The following WBP1L variants were observed in gnomAD, a reference collection of about 807,000 sequenced individuals.
The protein encoded by WBP1L is WW domain binding protein 1 like.
A neutral mutation model predicts 33.7 loss-of-function variants in WBP1L; 17 were observed. That is an observed-to-expected ratio of 0.50 (90% CI 0.34 to 0.76). The LOEUF (loss-of-function observed/expected upper bound fraction) is 0.76. WBP1L is among the 30% of genes least tolerant of loss of function. The probability of loss-of-function intolerance (pLI) is 0.01; values close to 1 mark genes in which losing one functional copy is unlikely to be tolerated. For missense variants in WBP1L, 389 were observed against 469.4 expected (o/e 0.83, Z 1.58); for synonymous variants, 173 against 190.8 (o/e 0.91, Z 0.77).
At chr10:102,756,409 CAG>C (rs1276847907) in intron 1 of WBP1L, among the ~76,000 whole-genome samples, 3 of 151,700 alleles carry the variant, frequency 2.0e-5, no homozygotes, top group Non-Finnish European at 2.9e-5. Context: ...GACTCTGTCT[CAG>C]GGGGGTGGTG....
At chr10:102,752,435 G>A (rs1842933257) in intron 1 of WBP1L, among the ~76,000 whole-genome samples, 1 of 152,194 alleles carries the variant, frequency 6.6e-6, no homozygotes, top group Non-Finnish European at 1.5e-5. Flanking sequence ...GTTTGTTGAT[G>A]TATGTGGTCA....
At chr10:102,770,300 C>G (rs528196577) in intron 1 of WBP1L, among the ~76,000 whole-genome samples, 101 of 151,620 alleles carry the variant, frequency 6.7e-4, no homozygotes, top group African/African-American at 2.3e-3. Context: ...GTGCCCAAAC[C>G]GGAGAAAGAT....
chr10:102,801,021 T>C (rs563856312), intron 2 of WBP1L, among the ~76,000 whole-genome samples: 9 of 152,286 alleles, frequency 5.9e-5, no homozygotes, highest in African/African-American at 2.2e-4. Flanking sequence ...CATTTTCCTG[T>C]GTGCTGAGGA....
Position 102,771,462 on chromosome 10 carries a change from G to A in WBP1L, c.91-26531G>A, listed in dbSNP as rs556943787. On this transcript the variant is annotated intron_variant, in intron 1 of 3. Transcript: ENST00000448841. The stretch of plus-strand genomic sequence containing the variant: ...GGCTCATAAGGAGGCGAGGTGAAGC[G>A]TTCGAGACCAGCCTGGGCAACATAG... Among the ~76,000 whole-genome samples the A allele has an allele frequency of 5.3e-5, 8 of 152,060 alleles. No individual in the cohort carries two copies. In the South Asian group the frequency reaches 1.0e-3, roughly 20 times the overall value.
intron 1 of WBP1L, among the ~76,000 whole-genome samples, chr10:102,789,104 T>C (rs950256758): frequency 6.6e-6 from 1 of 152,052 alleles, no homozygotes; most frequent in Non-Finnish European, 1.5e-5. Context: ...GGACTACAGG[T>C]GCGCACAACC....
intron 1 of WBP1L, among the ~76,000 whole-genome samples, chr10:102,782,390 A>G (rs1174052746): frequency 6.6e-6 from 1 of 151,788 alleles, no homozygotes; most frequent in Non-Finnish European, 1.5e-5. Flanking sequence ...TCCTCCAGTG[A>G]TAGCCCATGA....
chr10:102,771,862 C>A (rs867261692), intron 1 of WBP1L, among the ~76,000 whole-genome samples: 1 of 151,866 alleles, frequency 6.6e-6, no homozygotes, highest in South Asian at 2.1e-4. Flanking sequence ...TCCAGCAGTA[C>A]TATCTCTGGG....
chr10:102,776,164 G>A (rs999455669), intron 1 of WBP1L: 1 of 1,421,670 alleles, frequency 7.0e-7, no homozygotes. Flanking sequence ...GATATGTCAC[G>A]AGAAGGTGGG....
chr10:102,789,781 C>T (rs1403168804), intron 1 of WBP1L, among the ~76,000 whole-genome samples: 52 of 143,720 alleles, frequency 3.6e-4, no homozygotes, highest in Non-Finnish European at 5.1e-4. Flanking sequence ...CTCACTCTGT[C>T]ACCCAGGCTG....
intron 1 of WBP1L, among the ~76,000 whole-genome samples, chr10:102,795,623 C>T (rs17115006): frequency 0.026 from 4,033 of 152,240 alleles, 93 homozygotes; most frequent in South Asian, 0.11. Context: ...CCATGTGTTC[C>T]GAGCCTGGGC....
At chr10:102,748,173 G>T (rs983413828) in intron 1 of WBP1L, among the ~76,000 whole-genome samples, 3 of 151,862 alleles carry the variant, frequency 2.0e-5, no homozygotes, top group East Asian at 1.9e-4. Flanking sequence ...GGAGAATGGC[G>T]TGAACCTGGG....
chr10:102,774,632 A>G (rs1176053049), intron 1 of WBP1L, among the ~76,000 whole-genome samples: 1 of 152,090 alleles, frequency 6.6e-6, no homozygotes, highest in Non-Finnish European at 1.5e-5. Flanking sequence ...ATGTGCTCCT[A>G]ATTTATTGTC....
At chr10:102,752,876 GCCC>G (rs1842938394) in intron 1 of WBP1L, among the ~76,000 whole-genome samples, 1 of 152,170 alleles carries the variant, frequency 6.6e-6, no homozygotes, top group Non-Finnish European at 1.5e-5. Context: ...CTCTTTTCAG[GCCC>G]CCAAGAGGCA....
chr10:102,773,423 C>G (rs1430025945), intron 1 of WBP1L, among the ~76,000 whole-genome samples: 1 of 152,096 alleles, frequency 6.6e-6, no homozygotes, highest in Non-Finnish European at 1.5e-5. Flanking sequence ...TAGACGAATG[C>G]TGATTAGAAA....
intron 1 of WBP1L, among the ~76,000 whole-genome samples, chr10:102,775,341 G>C (rs559141814): frequency 9.9e-5 from 15 of 152,276 alleles, no homozygotes; most frequent in Admixed American, 4.6e-4. Flanking sequence ...ACTAGGGAAA[G>C]TCAGAGCAGG....
chr10:102,746,460 C>CTTAT (rs1842865279), intron 1 of WBP1L, among the ~76,000 whole-genome samples: 1 of 152,122 alleles, frequency 6.6e-6, no homozygotes, highest in Non-Finnish European at 1.5e-5. Context: ...CATCCCCCAC[C>CTTAT]TTATACTCCT....
chr10:102,802,861 A>T (rs1279802431), intron 2 of WBP1L, among the ~76,000 whole-genome samples: 2 of 152,270 alleles, frequency 1.3e-5, no homozygotes, highest in East Asian at 1.9e-4. Flanking sequence ...TTTAAAGGAA[A>T]CCCTGCCCAT....
rs1842829067 is a variant in WBP1L, at chr10:102,744,000, A to AGGG, written c.-52_-51insGGG. 2.5e-6 allele frequency: 3 copies of AGGG among 1,223,482 alleles called. No individual in the cohort carries two copies. Among genetic ancestry groups the AGGG allele is most frequent in the Non-Finnish European group, 3.5e-6 (3 of 860,348 alleles). The allele number at this position is 1,223,482 out of a possible 1,614,324, so 75.8% of individuals were successfully genotyped here. A position where few individuals can be genotyped will look rare whatever the true frequency, so the allele number is the denominator to read the frequency against. On this transcript the variant is annotated 5_prime_UTR_variant, in exon 1 of 4. Transcript: ENST00000448841. The stretch of plus-strand genomic sequence containing the variant: ...AAGAAGAGGGTAGAGGAGGAGAGGG[A>AGGG]GGAGGAGGAGGGAGGTGGCGGCGCC...
intron 1 of WBP1L, among the ~76,000 whole-genome samples, chr10:102,783,261 C>T (rs2134047490): frequency 6.6e-6 from 1 of 152,312 alleles, no homozygotes; most frequent in East Asian, 1.9e-4. Flanking sequence ...AGAGCCACAG[C>T]CAGAGAGCCA....
Sources: gnomAD v4.1 joint callset for allele counts (sites outside exome capture counted in the v4.1 genomes callset) on GRCh38, gnomAD v4.1.1 for gene constraint, MANE v1.5 for transcripts, NCBI Gene and HGNC (gene_info 2026-07-23, HGNC 2026-07-21) for gene names.